The following BCR variants were observed in gnomAD, a reference collection of about 807,000 sequenced individuals.
BCR encodes breakpoint cluster region protein.
Under a neutral mutation model 138.6 loss-of-function variants are expected in BCR, and 58 were observed. The ratio of observed to expected loss-of-function variants is 0.42; its 90% CI spans 0.34 to 0.52. The LOEUF (loss-of-function observed/expected upper bound fraction) is 0.52, where lower values mean the gene tolerates loss of function less well. BCR is among the 20% of genes least tolerant of loss of function. The pLI, the probability that BCR is intolerant of heterozygous loss-of-function variation, is 0.06. For synonymous variants in BCR, 786 were observed against 730.1 expected (o/e 1.08, Z -1.23); for missense variants, 1,599 against 1,727.2 (o/e 0.93, Z 1.32).
intron 8 of BCR, among the ~76,000 whole-genome samples, chr22:23,275,644 C>T (rs771083175): frequency 3.3e-5 from 5 of 152,310 alleles, no homozygotes; most frequent in Non-Finnish European, 5.9e-5. Context: ...GGCTCAGGGC[C>T]CCAGAAGGAG....
intron 4 of BCR, chr22:23,262,769 A>AG (rs1466739386): frequency 3.2e-6 from 3 of 938,604 alleles, no homozygotes; most frequent in Admixed American, 1.2e-4. Context: ...GAGGGTGACG[A>AG]GGGGGAAGCG....
chr22:23,248,738 G>C (rs1263281912), intron 1 of BCR, among the ~76,000 whole-genome samples: 1 of 152,166 alleles, frequency 6.6e-6, no homozygotes, highest in African/African-American at 2.4e-5. Flanking sequence ...TCCTGGTTCA[G>C]GTGAGCAGCA....
At position 23,295,048 on chromosome 22, in the gene BCR, T is replaced by G; in HGVS notation, c.2905T>G (p.Ser969Ala). ...NEEFEIELEG[S>A]QTLRILCYEK... ...GGAATTTGAGATAGAGCTGGAGGGC[T>G]CCCAGACCCTGAGGATACTGTGCTA... Residue 969 changes from serine (S) to alanine (A), a missense_variant, in exon 16 of 23, where the codon TCC becomes GCC. Transcript: ENST00000305877. 6.2e-7 allele frequency: 1 copy of G among 1,614,066 alleles called. No homozygotes were observed. Among genetic ancestry groups the G allele is most frequent in the Non-Finnish European group, 8.5e-7 (1 of 1,179,978 alleles).
At chr22:23,302,157 G>C (rs1362053427) in intron 16 of BCR, among the ~76,000 whole-genome samples, 1 of 152,138 alleles carries the variant, frequency 6.6e-6, no homozygotes, top group Non-Finnish European at 1.5e-5. Context: ...TCCAGGACAG[G>C]CATTTGAAGA....
chr22:23,242,959 C>T (rs1034949115), intron 1 of BCR: 22 of 447,332 alleles, frequency 4.9e-5, no homozygotes, highest in Non-Finnish European at 9.4e-5. Context: ...CTCTCCAGTC[C>T]CTGCCTCCGC....
At position 23,181,245 on chromosome 22, in the gene BCR, G is replaced by T; in HGVS notation, c.285G>T (p.Ser95=). 1 of 1,236,640 alleles carries T rather than the reference G, an allele frequency of 8.1e-7. No individual in the cohort carries two copies. Among genetic ancestry groups the T allele is most frequent in the Non-Finnish European group, 1.0e-6 (1 of 982,474 alleles). 76.6% of individuals were successfully genotyped at this position (1,236,640 alleles called of 1,614,324 possible). A position where few individuals can be genotyped will look rare whatever the true frequency, so the allele number is the denominator to read the frequency against. The change falls in exon 1 of 23, where the codon TCG becomes TCT. Residue 95 remains serine (S), a synonymous_variant. Transcript: ENST00000305877. ...DGASEPRASA[S]RPQPAPADGA... is the part of the protein sequence containing the mutation. ...CCTCCGAGCCCCGAGCGTCCGCGTC[G>T]CGCCCGCAGCCAGCGCCCGCCGACG...
intron 10 of BCR, among the ~76,000 whole-genome samples, chr22:23,286,122 T>C (rs1568973784): frequency 6.6e-6 from 1 of 152,160 alleles, no homozygotes; most frequent in Non-Finnish European, 1.5e-5. Flanking sequence ...GATGCAGGGT[T>C]GGGGGAGGTG....
chr22:23,191,703 G>T (rs556311013), intron 1 of BCR, among the ~76,000 whole-genome samples: 1 of 152,138 alleles, frequency 6.6e-6, no homozygotes, highest in Non-Finnish European at 1.5e-5. Context: ...CTCGGGCCCC[G>T]TGGGTGTTTG....
chr22:23,315,433 G>T lies in BCR; in HGVS notation c.3727G>T (p.Val1243Phe). ...DSWSLEVMSQVQVLLYFLQLE... is the reference protein window; with the variant it reads ...DSWSLEVMSQFQVLLYFLQLE... Reference sequence around the variant, plus strand: ...TCTCTTCCCTACTCTGCCCGGGCAGGTCCAGGTGCTGCTGTACTTCCTGCA... The same window carrying T: ...TCTCTTCCCTACTCTGCCCGGGCAGTTCCAGGTGCTGCTGTACTTCCTGCA... Residue 1243 changes from valine to phenylalanine, a missense_variant and splice_region_variant, in exon 23 of 23, where the codon GTC becomes TTC. By Grantham distance (50) the Val-to-Phe change is conservative. This residue lies in a region of BCR where 177 missense variants were observed against 226.4 expected (regional missense o/e 0.78). Transcript: ENST00000305877. The T allele has an allele frequency of 6.2e-7, 1 of 1,613,648 alleles. No homozygotes were observed. The highest frequency in any genetic ancestry group is 1.1e-5 in the South Asian group (1 of 91,070).
At chr22:23,202,676 T>A (rs1210883054) in intron 1 of BCR, among the ~76,000 whole-genome samples, 1 of 152,038 alleles carries the variant, frequency 6.6e-6, no homozygotes, top group Non-Finnish European at 1.5e-5. Context: ...TTTTACTGTG[T>A]TTCAGAACCC....
chr22:23,260,566 T>C (rs1408407920), intron 2 of BCR, among the ~76,000 whole-genome samples: 1 of 152,202 alleles, frequency 6.6e-6, no homozygotes, highest in Non-Finnish European at 1.5e-5. Flanking sequence ...GTGGCCATGC[T>C]GTGGGCTCTG....
At chr22:23,244,482 G>A (rs1035064773) in intron 1 of BCR, among the ~76,000 whole-genome samples, 1 of 152,116 alleles carries the variant, frequency 6.6e-6, no homozygotes, top group African/African-American at 2.4e-5. Flanking sequence ...TTTCCTCAGG[G>A]AGAGGCCCTG....
At chr22:23,209,308 C>T (rs879724038) in intron 1 of BCR, among the ~76,000 whole-genome samples, 20 of 150,822 alleles carry the variant, frequency 1.3e-4, no homozygotes, top group Non-Finnish European at 2.1e-4. Context: ...TGCAGTGAGC[C>T]GAGATCACGC....
chr22:23,187,485 T>TTCTCTC lies in BCR; in HGVS notation c.1279+5256_1279+5261dup, dbSNP rs112466422. Among the ~76,000 whole-genome samples the TTCTCTC allele has an allele frequency of 5.8e-4, 85 of 145,648 alleles. 1 individual carries two copies. Among genetic ancestry groups the TTCTCTC allele is most frequent in the Middle Eastern group, 3.5e-3 (1 of 286 alleles). On this transcript the variant is annotated intron_variant, in intron 1 of 22. Transcript: ENST00000305877. ...GGACAGCAGACGTTTCTCCTTCTCTTTCTCTCTCTCTCTCTTTTTTTTTTT... is the reference window on the plus strand; with the variant it reads ...GGACAGCAGACGTTTCTCCTTCTCTTTCTCTCTCTCTCTCTCTCTCTTTTTTTTTTT...
At chr22:23,307,267 T>C (rs2073961060) in intron 16 of BCR, among the ~76,000 whole-genome samples, 1 of 145,812 alleles carries the variant, frequency 6.9e-6, no homozygotes, top group Non-Finnish European at 1.6e-5. Flanking sequence ...GGCTAATGCT[T>C]TTGAAAATTT....
At chr22:23,306,956 C>G (rs889141978) in intron 16 of BCR, 10 of 152,512 alleles carry the variant, frequency 6.6e-5, no homozygotes, top group African/African-American at 2.4e-4. Flanking sequence ...CTTTCTGTCT[C>G]TTCTTACCTG....
intron 16 of BCR, among the ~76,000 whole-genome samples, chr22:23,309,194 G>T (rs1201130325): frequency 6.6e-6 from 1 of 152,206 alleles, no homozygotes; most frequent in East Asian, 1.9e-4. Context: ...GGGAGGAGGG[G>T]GTGGGGACCC....
chr22:23,204,871 C>A lies in BCR; in HGVS notation c.1279+22632C>A, dbSNP rs6003551. 1.5e-3 allele frequency among the ~76,000 whole-genome samples: 221 copies of A among 152,290 alleles called. 2 individuals carry two copies. The highest frequency in any genetic ancestry group is 5.2e-3 in the African/African-American group (215 of 41,564). On this transcript the variant is annotated intron_variant, in intron 1 of 22. Transcript: ENST00000305877. ...TGATGATGTGCAAGCAGGTGGTTGG[C>A]AGCAGGAGGCCTGGTAGTGCCAGCT...
At position 23,268,548 on chromosome 22, in the gene BCR, C is replaced by G. The variant is rs755548491; in HGVS notation, c.1860+33C>G. The G allele has an allele frequency of 1.2e-5, 18 of 1,546,194 alleles. 1 individual carries two copies. Among genetic ancestry groups the G allele is most frequent in the Non-Finnish European group, 1.5e-5 (17 of 1,122,178 alleles). On this transcript the variant is annotated intron_variant, in intron 5 of 22. Coordinates refer to ENST00000305877, the MANE Select transcript of BCR (RefSeq NM_004327.4). ...CTTGATGCCGTTCAGACAGGTGCAC[C>G]GCTGACTCCCACCTGTACCCTCCAC... is the stretch of plus-strand genomic sequence containing the variant.
Sources: gnomAD v4.1 joint callset for allele counts (sites outside exome capture counted in the v4.1 genomes callset) on GRCh38, gnomAD v4.1.1 for gene constraint, gnomAD v4.1.1 regional missense constraint, MANE v1.5 for transcripts, NCBI Gene and HGNC (gene_info 2026-07-23, HGNC 2026-07-21) for gene names.